Variants in MIA3 observed in about 807,000 individuals in gnomAD.
The protein encoded by MIA3 is transport and Golgi organization protein 1 homolog.
In MIA3, 90 loss-of-function variants were observed where a neutral mutation model predicts 192.4. That is an observed-to-expected ratio of 0.47 (90% CI 0.39 to 0.56). The LOEUF is 0.56. MIA3 is among the 20% of genes least tolerant of loss of function. The probability of loss-of-function intolerance (pLI) is 0.00; values close to 1 mark genes in which losing one functional copy is unlikely to be tolerated. For missense variants in MIA3, 2,123 were observed against 2,269.4 expected (o/e 0.94, Z 1.31); for synonymous variants, 740 against 792.8 (o/e 0.93, Z 1.12).
chr1:222,645,450 T>C, intron 6 of MIA3, 104 bp from the exon 7 acceptor site: 1 of 1,006,436 alleles, frequency 9.9e-7, no homozygotes, highest in Non-Finnish European at 1.4e-6. Flanking sequence ...GATAGGTATC[T>C]GATAGAGTTG....
chr1:222,657,610 A>G (rs563872165), intron 18 of MIA3, among the ~76,000 whole-genome samples: 1 of 152,304 alleles, frequency 6.6e-6, no homozygotes, highest in African/African-American at 2.4e-5. Flanking sequence ...TGGAAACAAA[A>G]TTCTCTTGAA....
intron 5 of MIA3, 44 bp from the exon 6 acceptor site, chr1:222,633,060 C>A: frequency 6.5e-7 from 1 of 1,547,060 alleles, no homozygotes; most frequent in East Asian, 2.3e-5. Flanking sequence ...AAAGAGAATT[C>A]TTATTCTAAA....
At position 222,628,650 on chromosome 1, in the gene MIA3, G is replaced by T; in HGVS notation, c.1430G>T (p.Gly477Val). ...KGRGVQESKR[G>V]LVQDKTELED... is the part of the protein sequence containing the mutation. ...AGGGGAGTTCAGGAATCCAAGAGGG[G>T]CCTGGTACAAGATAAGACAGAATTA... The change falls in exon 4 of 28, where the codon GGC becomes GTC. Residue 477 changes from glycine to valine, a missense_variant. Coordinates refer to ENST00000344922, the MANE Select transcript of MIA3 (RefSeq NM_198551.4). 3 of 1,613,958 alleles carry T rather than the reference G, an allele frequency of 1.9e-6. No individual in the cohort carries two copies. The highest frequency in any genetic ancestry group is 4.5e-5 in the East Asian group (2 of 44,872).
At chr1:222,642,594 CAGTAGGTAAATACACA>C (rs1272476815) in intron 6 of MIA3, among the ~76,000 whole-genome samples, 3 of 152,122 alleles carry the variant, frequency 2.0e-5, no homozygotes, top group Non-Finnish European at 4.4e-5. Context: ...ATTGTTGAGT[CAGTAGGTAAATACACA>C]AGTTATTTCA....
chr1:222,632,634 A>C (rs1662450191), intron 5 of MIA3, among the ~76,000 whole-genome samples: 1 of 152,234 alleles, frequency 6.6e-6, no homozygotes, highest in Admixed American at 6.5e-5. Context: ...GCCCAGCAGC[A>C]TCAGAAACTC....
rs1160633350 is a variant in MIA3, at chr1:222,628,539, T to C, written c.1319T>C (p.Val440Ala). The C allele has an allele frequency of 6.2e-7, 1 of 1,614,166 alleles. No individual in the cohort carries two copies. The highest frequency in any genetic ancestry group is 1.1e-5 in the South Asian group (1 of 91,070). Reference protein sequence around the residue: ...SATDYSDPDNVDDGLFIVDIP... With the variant: ...SATDYSDPDNADDGLFIVDIP... ...ACAGATTATAGTGACCCTGACAATGTAGATGATGGTCTTTTTATTGTAGAC... is the reference window on the plus strand; with the variant it reads ...ACAGATTATAGTGACCCTGACAATGCAGATGATGGTCTTTTTATTGTAGAC... The change falls in exon 4 of 28, where the codon GTA becomes GCA. Residue 440 changes from valine to alanine, a missense_variant. Coordinates refer to ENST00000344922, the MANE Select transcript of MIA3 (RefSeq NM_198551.4).
chr1:222,622,001 G>C (rs191645792), intron 2 of MIA3, among the ~76,000 whole-genome samples: 244 of 152,158 alleles, frequency 1.6e-3, no homozygotes, highest in Non-Finnish European at 2.7e-3. Context: ...GTAGAGACGG[G>C]GTTTCACTGT....
chr1:222,632,339 A>G lies in MIA3; in HGVS notation c.3331+13A>G. The G allele has an allele frequency of 6.2e-7, 1 of 1,604,682 alleles. No homozygotes were observed. On this transcript the variant is annotated intron_variant, in intron 5 of 27. Coordinates refer to ENST00000344922, the MANE Select transcript of MIA3 (RefSeq NM_198551.4). ...GACCTGGACCCAGGTAAAGCCTGCT[A>G]ATTTTTTTCTACAAAGTGGAGAAAT...
At position 222,629,214 on chromosome 1, in the gene MIA3, C is replaced by T. The variant is rs762638371; in HGVS notation, c.1994C>T (p.Ala665Val). ...TGGCAACAAGAAAGAGATGTGGCTG[C>T]CACAGCCAGTAAGCAAATGAGTGAG... Reference protein sequence around the residue: ...LPWQQERDVAATASKQMSEKI... With the variant: ...LPWQQERDVAVTASKQMSEKI... The change falls in exon 4 of 28, where the codon GCC (alanine) becomes GTC (valine). Residue 665 changes from alanine to valine, a missense_variant. Ala to Val is a moderately conservative substitution (Grantham distance 64). Transcript: ENST00000344922. 6.2e-7 allele frequency: 1 copy of T among 1,614,054 alleles called. No individual in the cohort carries two copies. Among genetic ancestry groups the T allele is most frequent in the South Asian group, 1.1e-5 (1 of 91,080 alleles).
chr1:222,665,231 A>C, intron 27 of MIA3, 78 bp from the exon 28 acceptor site: 8 of 843,856 alleles, frequency 9.5e-6, no homozygotes, highest in Non-Finnish European at 1.3e-5. Context: ...AGGATGACAG[A>C]CTATATTAAC....
At position 222,648,757 on chromosome 1, in the gene MIA3, T is replaced by C; in HGVS notation, c.3610-72T>C. On this transcript the variant is annotated intron_variant, in intron 7 of 27. Coordinates refer to ENST00000344922, the MANE Select transcript of MIA3 (RefSeq NM_198551.4). ...TCTCATTTGGTTACAATTCTGACAG[T>C]TGTATTAGAAACTATATACATCTAT... The C allele has an allele frequency of 3.4e-6, 3 of 873,390 alleles. No homozygotes were observed. The South Asian group carries it at 4.4e-5, about 13-fold the overall frequency. 54.1% of individuals were successfully genotyped at this position (873,390 alleles called of 1,614,324 possible).
Position 222,629,951 on chromosome 1 carries a change from A to T in MIA3, c.2731A>T (p.Ser911Cys), listed in dbSNP as rs141033119. 4.0e-5 allele frequency: 65 copies of T among 1,614,122 alleles called. No homozygotes were observed. In the African/African-American group the frequency reaches 6.8e-4, roughly 17 times the overall value. ...DDSFHWTPHT[S>C]VEPGHSDKRE... ...CTCGTTCCACTGGACTCCACATACAAGTGTAGAGCCAGGGCATAGTGACAA... is the reference window on the plus strand; with the variant it reads ...CTCGTTCCACTGGACTCCACATACATGTGTAGAGCCAGGGCATAGTGACAA... Residue 911 changes from serine (S) to cysteine (C), a missense_variant, in exon 4 of 28, where the codon AGT becomes TGT. Transcript: ENST00000344922.
In MIA3 at chr1:222,648,816, T is replaced by G. The variant is rs1245234288; in HGVS notation, c.3610-13T>G. 2.2e-6 allele frequency: 3 copies of G among 1,354,934 alleles called. No individual in the cohort carries two copies. Among genetic ancestry groups the G allele is most frequent in the African/African-American group, 1.4e-5 (1 of 69,566 alleles). 83.9% of individuals were successfully genotyped at this position (1,354,934 alleles called of 1,614,324 possible). On this transcript the variant is annotated splice_polypyrimidine_tract_variant and intron_variant, in intron 7 of 27. Coordinates refer to ENST00000344922, the MANE Select transcript of MIA3 (RefSeq NM_198551.4). ...TGTTTGACATCAAATTTAATTTTAT[T>G]TCTCTTTTCTAGGTGAAGGATAGAG... is the stretch of plus-strand genomic sequence containing the variant.
At position 222,627,943 on chromosome 1, in the gene MIA3, A is replaced by G. The variant is rs1281994659; in HGVS notation, c.723A>G (p.Pro241=). 2.5e-6 allele frequency: 4 copies of G among 1,614,132 alleles called. No homozygotes were observed. The Admixed American group carries it at 6.7e-5, about 27-fold the overall frequency. The change falls in exon 4 of 28, where the codon CCA becomes CCG. Residue 241 remains proline (P), a synonymous_variant. Coordinates refer to ENST00000344922, the MANE Select transcript of MIA3 (RefSeq NM_198551.4). The stretch of plus-strand genomic sequence containing the variant: ...TGCTGCAAGATAAACTAAAAGTGCC[A>G]GAAAGTGAAAACAACAAAACCAGCA... ...EEMLQDKLKV[P]ESENNKTSNS...
intron 6 of MIA3, among the ~76,000 whole-genome samples, chr1:222,638,136 C>G (rs867231197): frequency 1.2e-4 from 19 of 152,048 alleles, no homozygotes; most frequent in Middle Eastern, 6.8e-3. Flanking sequence ...AACATTCCAC[C>G]CAAGAAGAGC....
intron 6 of MIA3, among the ~76,000 whole-genome samples, chr1:222,641,205 TCTC>T (rs1288814166): frequency 6.6e-6 from 1 of 152,190 alleles, no homozygotes; most frequent in African/African-American, 2.4e-5. Flanking sequence ...CAGCCATTCT[TCTC>T]CTAAACATTT....
chr1:222,657,880 C>G (rs1322969357), intron 18 of MIA3, among the ~76,000 whole-genome samples: 1 of 152,096 alleles, frequency 6.6e-6, no homozygotes, highest in Non-Finnish European at 1.5e-5. Context: ...TGTTAATAAC[C>G]CTTTTTACTA....
intron 4 of MIA3, among the ~76,000 whole-genome samples, chr1:222,631,846 T>C (rs983942772): frequency 3.3e-5 from 5 of 152,242 alleles, no homozygotes; most frequent in African/African-American, 1.2e-4. Context: ...TGTTTCACAT[T>C]TCTGCTCTTG....
intron 1 of MIA3, among the ~76,000 whole-genome samples, chr1:222,620,924 G>A (rs1412289192): frequency 6.6e-6 from 1 of 152,234 alleles, no homozygotes; most frequent in African/African-American, 2.4e-5. Flanking sequence ...ATTATCCATA[G>A]AGAAAAATAG....
Sources: gnomAD v4.1 joint callset for allele counts (sites outside exome capture counted in the v4.1 genomes callset) on GRCh38, gnomAD v4.1.1 for gene constraint, MANE v1.5 for transcripts, NCBI Gene and HGNC (gene_info 2026-07-23, HGNC 2026-07-21) for gene names.